MACROD2: variants seen among roughly 807,000 people sequenced by gnomAD.
The protein encoded by MACROD2 is ADP-ribose glycohydrolase MACROD2.
MACROD2 carries 36 observed loss-of-function variants against 70.4 expected under a neutral mutation model. The observed-to-expected ratio is 0.51, with a 90% confidence interval of 0.39 to 0.68. MACROD2 has a LOEUF of 0.68. Ranked by LOEUF, MACROD2 falls within the 30% of genes least tolerant of loss-of-function variation. The probability of loss-of-function intolerance (pLI) is 0.00; values close to 1 mark genes in which losing one functional copy is unlikely to be tolerated. For missense variants in MACROD2, 496 were observed against 538.4 expected (o/e 0.92, Z 0.78); for synonymous variants, 172 against 178.8 (o/e 0.96, Z 0.30).
At chr20:14,989,439 A>C (rs1246570658) in intron 5 of MACROD2, among the ~76,000 whole-genome samples, 1 of 152,190 alleles carries the variant, frequency 6.6e-6, no homozygotes, top group Non-Finnish European at 1.5e-5. Context: ...ACACAGATTT[A>C]TTACAAAGCA....
chr20:15,768,232 C>T (rs1021915934), intron 8 of MACROD2, among the ~76,000 whole-genome samples: 2 of 151,996 alleles, frequency 1.3e-5, no homozygotes, highest in African/African-American at 4.8e-5. Context: ...ATTGCACAAA[C>T]ATCATAGACT....
chr20:14,251,787 G>A (rs1393090550), intron 3 of MACROD2, among the ~76,000 whole-genome samples: 2 of 152,062 alleles, frequency 1.3e-5, no homozygotes, highest in African/African-American at 4.8e-5. Flanking sequence ...GAAGTGTAAA[G>A]TGTACCAAAC....
chr20:15,555,121 G>A (rs2048148849), intron 8 of MACROD2, among the ~76,000 whole-genome samples: 1 of 152,186 alleles, frequency 6.6e-6, no homozygotes, highest in Non-Finnish European at 1.5e-5. Flanking sequence ...GGAAGAAGGA[G>A]TGTGTGAAGG....
chr20:14,533,574 T>G (rs1352850908), intron 4 of MACROD2, among the ~76,000 whole-genome samples: 1 of 152,228 alleles, frequency 6.6e-6, no homozygotes, highest in Non-Finnish European at 1.5e-5. Context: ...GTAACAAAGT[T>G]GCACTCATCC....
At chr20:14,868,319 C>T (rs1169135920) in intron 5 of MACROD2, among the ~76,000 whole-genome samples, 2 of 151,714 alleles carry the variant, frequency 1.3e-5, no homozygotes, top group Non-Finnish European at 2.9e-5. Flanking sequence ...TTTTGAGTAG[C>T]TGGGACTGCA....
intron 8 of MACROD2, among the ~76,000 whole-genome samples, chr20:15,622,250 C>T (rs552403228): frequency 6.6e-6 from 1 of 152,336 alleles, no homozygotes; most frequent in South Asian, 2.1e-4. Flanking sequence ...AACAAGTTCT[C>T]TCCAAATAAG....
chr20:14,870,381 A>G (rs990943552), intron 5 of MACROD2, among the ~76,000 whole-genome samples: 1 of 152,096 alleles, frequency 6.6e-6, no homozygotes, highest in Non-Finnish European at 1.5e-5. Context: ...CTTTGCTATC[A>G]TGAATAGTGC....
At chr20:15,643,165 A>G (rs147456486) in intron 8 of MACROD2, among the ~76,000 whole-genome samples, 115 of 152,300 alleles carry the variant, frequency 7.6e-4, no homozygotes, top group Middle Eastern at 6.8e-3. Flanking sequence ...CTCTTCCACC[A>G]GCTGTTCAAC....
chr20:14,739,767 C>T (rs1370290261), intron 5 of MACROD2, among the ~76,000 whole-genome samples: 2 of 151,808 alleles, frequency 1.3e-5, no homozygotes, highest in Non-Finnish European at 2.9e-5. Context: ...TTTACATTGA[C>T]TGAATATTGG....
At chr20:14,250,284 T>G (rs2082001030) in intron 3 of MACROD2, among the ~76,000 whole-genome samples, 1 of 152,158 alleles carries the variant, frequency 6.6e-6, no homozygotes, top group African/African-American at 2.4e-5. Flanking sequence ...TTGCCAATTT[T>G]AAGGAATGAC....
At chr20:15,632,827 T>C (rs957602549) in intron 8 of MACROD2, among the ~76,000 whole-genome samples, 4 of 151,308 alleles carry the variant, frequency 2.6e-5, no homozygotes, top group African/African-American at 9.7e-5. Context: ...TCCTCCCTCC[T>C]TCCCTCCTCT....
intron 15 of MACROD2, 129 bp downstream of exon 15, chr20:15,987,287 C>T (rs2066499667): frequency 2.8e-6 from 2 of 709,594 alleles, no homozygotes; most frequent in East Asian, 3.0e-5. Flanking sequence ...ATTTCCTTAA[C>T]CCCAAATCTC....
At chr20:14,344,260 T>G (rs886703957) in intron 3 of MACROD2, among the ~76,000 whole-genome samples, 3 of 152,224 alleles carry the variant, frequency 2.0e-5, no homozygotes, top group African/African-American at 7.2e-5. Context: ...CCTTGGGAAC[T>G]GATATGAACT....
At chr20:14,325,302 T>G (rs1033623673) in intron 3 of MACROD2, 2 of 327,784 alleles carry the variant, frequency 6.1e-6, no homozygotes, top group Non-Finnish European at 1.1e-5. Context: ...GCAAGGAAAA[T>G]ACAGTACAAA....
chr20:14,572,626 T>C (rs1453333638), intron 4 of MACROD2, among the ~76,000 whole-genome samples: 1 of 152,052 alleles, frequency 6.6e-6, no homozygotes, highest in Non-Finnish European at 1.5e-5. Flanking sequence ...TGTTAAAAAG[T>C]ATATTCTTTG....
intron 2 of MACROD2, among the ~76,000 whole-genome samples, chr20:14,068,623 G>A (rs991957274): frequency 4.6e-5 from 7 of 152,116 alleles, no homozygotes; most frequent in African/African-American, 1.7e-4. Context: ...AGGATAGTTA[G>A]GAGTACCAGA....
intron 8 of MACROD2, among the ~76,000 whole-genome samples, chr20:15,771,273 C>G (rs939889447): frequency 4.6e-5 from 7 of 152,018 alleles, no homozygotes; most frequent in African/African-American, 1.7e-4. Context: ...TTCCTGGGCT[C>G]AAGTGATCCT....
chr20:14,582,465 G>C (rs1535217), intron 4 of MACROD2, among the ~76,000 whole-genome samples: 97,554 of 151,820 alleles, frequency 0.64, 32,898 homozygotes, highest in East Asian at 0.93. Context: ...GCGTGACCTA[G>C]ATTCTTGATC....
intron 3 of MACROD2, among the ~76,000 whole-genome samples, chr20:14,114,733 C>T (rs2054494705): frequency 6.6e-6 from 1 of 152,130 alleles, no homozygotes; most frequent in Non-Finnish European, 1.5e-5. Flanking sequence ...ATTTCTCAAA[C>T]TCTGAAGCAT....
Sources: allele counts gnomAD v4.1 joint callset (sites outside exome capture counted in the v4.1 genomes callset), GRCh38; gene constraint gnomAD v4.1.1; transcripts MANE v1.5; gene names NCBI Gene and HGNC (gene_info 2026-07-23, HGNC 2026-07-21).